The following ARID1B variants were observed in gnomAD, a reference collection of about 807,000 sequenced individuals.
ARID1B encodes the protein AT-rich interaction domain 1B.
Under a neutral mutation model 212.3 loss-of-function variants are expected in ARID1B, and 30 were observed. That is an observed-to-expected ratio of 0.14 (90% CI 0.11 to 0.19). The LOEUF (loss-of-function observed/expected upper bound fraction) is 0.19, where lower values mean the gene tolerates loss of function less well. Ranked by LOEUF, ARID1B falls within the 10% of genes least tolerant of loss-of-function variation. The pLI is 1.00. For synonymous variants in ARID1B, 1,402 were observed against 1,301.7 expected, an observed-to-expected ratio of 1.08 and a Z score of -1.66; for missense variants, 2,891 against 3,204.0, an observed-to-expected ratio of 0.90 and a Z score of 2.36.
At position 157,167,080 on chromosome 6, in the gene ARID1B, G is replaced by A. The variant is rs2128290438; in HGVS notation, c.3130G>A (p.Ala1044Thr). The change falls in exon 9 of 20, where the codon GCT (alanine) becomes ACT (threonine). Residue 1044 changes from alanine (A) to threonine (T), a missense_variant. This residue lies in a region of ARID1B where 1,643 missense variants were observed against 1,544.0 expected (regional missense o/e 1.06). Transcript: ENST00000636930. ...CGGCATGAACCAGAGTGGACTTATGGCTTCCAGCTCTCCCTACAGCCAGCC... is the reference window on the plus strand; with the variant it reads ...CGGCATGAACCAGAGTGGACTTATGACTTCCAGCTCTCCCTACAGCCAGCC... ...FPGMNQSGLM[A>T]SSSPYSQPMN... The A allele has an allele frequency of 6.2e-7, 1 of 1,612,562 alleles. No individual in the cohort carries two copies. Among genetic ancestry groups the A allele is most frequent in the Non-Finnish European group, 8.5e-7 (1 of 1,180,014 alleles).
intron 4 of ARID1B, chr6:157,072,084 A>T (rs548705292): frequency 3.9e-5 from 6 of 152,222 alleles, no homozygotes; most frequent in Admixed American, 6.5e-5. Context: ...TGATCTTATC[A>T]TTTCCTTATT....
intron 2 of ARID1B, among the ~76,000 whole-genome samples, chr6:156,860,769 C>T (rs1000577939): frequency 6.6e-6 from 1 of 152,144 alleles, no homozygotes; most frequent in Non-Finnish European, 1.5e-5. Flanking sequence ...TGAGGAACAG[C>T]GTTTTATACT....
intron 2 of ARID1B, among the ~76,000 whole-genome samples, chr6:156,899,026 G>A (rs964142306): frequency 6.6e-6 from 1 of 152,142 alleles, no homozygotes; most frequent in Non-Finnish European, 1.5e-5. Flanking sequence ...ATATTCTATC[G>A]AGGAATTGGT....
rs984873722 is a variant in ARID1B, at chr6:156,846,323, A to T, written c.1986+16902A>T. 1.8e-4 allele frequency among the ~76,000 whole-genome samples: 26 copies of T among 143,738 alleles called. No homozygotes were observed. In the South Asian group the frequency reaches 2.2e-3, roughly 12 times the overall value. The allele number at this position is 143,738 out of a possible 152,430, so 94.3% of individuals were successfully genotyped here. ...GTGTGCACCACCACACCTGGCTAAT[A>T]TTTTTTTTTTTTTTTGTATTTTTAG... On this transcript the variant is annotated intron_variant, in intron 2 of 19. Coordinates refer to ENST00000636930, the MANE Select transcript of ARID1B (RefSeq NM_001374828.1).
intron 2 of ARID1B, among the ~76,000 whole-genome samples, chr6:156,838,375 A>T (rs1384679345): frequency 6.6e-6 from 1 of 152,162 alleles, no homozygotes; most frequent in African/African-American, 2.4e-5. Context: ...CCTCACTTGG[A>T]TAGTTGTAGT....
chr6:157,095,838 T>C (rs1162983788), intron 5 of ARID1B, among the ~76,000 whole-genome samples: 1 of 109,794 alleles, frequency 9.1e-6, no homozygotes, highest in Non-Finnish European at 2.0e-5. Flanking sequence ...ATTTTAATTC[T>C]ACTTGAAAAA....
At chr6:156,776,810 G>GCC (rs1388178669), upstream of ARID1B, 5 of 152,210 alleles carry the variant, frequency 3.3e-5, no homozygotes, top group Non-Finnish European at 7.3e-5. Flanking sequence ...ACAGGCCATA[G>GCC]GGCTCTCTGA....
At chr6:157,132,991 A>C in intron 6 of ARID1B, 37 bp from the exon 7 acceptor site, 1 of 1,568,618 alleles carries the variant, frequency 6.4e-7, no homozygotes, top group Non-Finnish European at 8.6e-7. Flanking sequence ...ATTATGAAAC[A>C]CCTGCATTTA....
chr6:157,137,071 C>A (rs762695594), intron 7 of ARID1B, among the ~76,000 whole-genome samples: 1 of 151,952 alleles, frequency 6.6e-6, no homozygotes, highest in African/African-American at 2.4e-5. Flanking sequence ...GTCCCAGCCA[C>A]GCGGGAGGCT....
Position 156,778,136 on chromosome 6 carries a change from G to A in ARID1B, c.456G>A (p.Leu152=). ...CGGGGCTGCTCCCCAACCACAAACTGAAAACCGTTGGCGAAGCCCCCGCCG... is the reference window on the plus strand; with the variant it reads ...CGGGGCTGCTCCCCAACCACAAACTAAAAACCGTTGGCGAAGCCCCCGCCG... The part of the protein sequence containing the change: ...METGLLPNHK[L]KTVGEAPAAP... Residue 152 remains leucine, a synonymous_variant, in exon 1 of 20, where the codon CTG becomes CTA. Transcript: ENST00000636930. The A allele has an allele frequency of 6.5e-7, 1 of 1,539,872 alleles. No individual in the cohort carries two copies. Among genetic ancestry groups the A allele is most frequent in the Non-Finnish European group, 8.7e-7 (1 of 1,146,160 alleles).
At chr6:156,886,008 A>C (rs1787472391) in intron 2 of ARID1B, among the ~76,000 whole-genome samples, 1 of 152,148 alleles carries the variant, frequency 6.6e-6, no homozygotes, top group Non-Finnish European at 1.5e-5. Flanking sequence ...TGCTTATTGG[A>C]GCATCCAAGA....
intron 7 of ARID1B, among the ~76,000 whole-genome samples, chr6:157,134,485 C>T (rs1402670441): frequency 1.3e-5 from 2 of 152,202 alleles, no homozygotes; most frequent in Non-Finnish European, 2.9e-5. Context: ...TTGTTCTAGG[C>T]TTGTCCTGAG....
chr6:157,063,783 T>C (rs911989541), intron 4 of ARID1B, among the ~76,000 whole-genome samples: 1 of 152,176 alleles, frequency 6.6e-6, no homozygotes, highest in Non-Finnish European at 1.5e-5. Flanking sequence ...GGGTTTTAGT[T>C]TTTCATGACT....
intron 4 of ARID1B, among the ~76,000 whole-genome samples, chr6:156,999,952 A>T (rs1264163833): frequency 6.6e-6 from 1 of 152,262 alleles, no homozygotes; most frequent in African/African-American, 2.4e-5. Context: ...TCAGAAAGAC[A>T]TGCTTGCTGT....
intron 4 of ARID1B, among the ~76,000 whole-genome samples, chr6:157,048,580 T>C (rs1211493022): frequency 6.6e-6 from 1 of 152,268 alleles, no homozygotes; most frequent in Non-Finnish European, 1.5e-5. Context: ...TGGCTTTTGA[T>C]AATGTATTAC....
intron 3 of ARID1B, among the ~76,000 whole-genome samples, chr6:156,917,426 A>C (rs903824541): frequency 6.6e-6 from 1 of 152,168 alleles, no homozygotes; most frequent in African/African-American, 2.4e-5. Context: ...CTAGTTGAAC[A>C]GGAGGGTTGA....
chr6:156,839,794 C>G (rs886257209), intron 2 of ARID1B, among the ~76,000 whole-genome samples: 4 of 152,188 alleles, frequency 2.6e-5, no homozygotes, highest in African/African-American at 4.8e-5. Flanking sequence ...ACATGAGGCT[C>G]CAGGAGGGAT....
rs2128290772 is a variant in ARID1B, at chr6:157,167,127, G to C, written c.3177G>C (p.Leu1059=). ...YSQPMNNSSS[L]MNTQAPPYSM... is the part of the protein sequence containing the mutation. ...AGCCCATGAACAACAGCTCTAGCCT[G>C]ATGAACACGCAGGCGCCGCCCTACA... is the stretch of plus-strand genomic sequence containing the variant. The change falls in exon 9 of 20, where the codon CTG becomes CTC. Residue 1059 remains leucine, a synonymous_variant. Transcript: ENST00000636930. 1.2e-6 allele frequency: 2 copies of C among 1,611,984 alleles called. No homozygotes were observed. Among genetic ancestry groups the C allele is most frequent in the Non-Finnish European group, 1.7e-6 (2 of 1,180,012 alleles).
chr6:157,068,821 G>A (rs981812922), intron 4 of ARID1B, among the ~76,000 whole-genome samples: 14 of 152,150 alleles, frequency 9.2e-5, no homozygotes, highest in Non-Finnish European at 1.3e-4. Context: ...CAATATCTGC[G>A]CTGATGTTGT....
Sources: gnomAD v4.1 joint callset for allele counts (sites outside exome capture counted in the v4.1 genomes callset) on GRCh38, gnomAD v4.1.1 for gene constraint, gnomAD v4.1.1 regional missense constraint, MANE v1.5 for transcripts, NCBI Gene and HGNC (gene_info 2026-07-23, HGNC 2026-07-21) for gene names.